The following SLC30A6 variants were observed in gnomAD, a reference collection of about 807,000 sequenced individuals.
SLC30A6 encodes the protein solute carrier family 30 member 6.
SLC30A6 carries 55 observed loss-of-function variants against 63.0 expected under a neutral mutation model. That is an observed-to-expected ratio of 0.87 (90% CI 0.70 to 1.09). The LOEUF is 1.09. SLC30A6 is among the 50% of genes least tolerant of loss of function. The pLI, the probability that SLC30A6 is intolerant of heterozygous loss-of-function variation, is 0.00. For missense variants in SLC30A6, 587 were observed against 549.2 expected, an observed-to-expected ratio of 1.07 and a Z score of -0.69; for synonymous variants, 224 against 186.1, an observed-to-expected ratio of 1.20 and a Z score of -1.66.
intron 11 of SLC30A6, among the ~76,000 whole-genome samples, chr2:32,204,921 C>T (rs1473246202): frequency 6.6e-6 from 1 of 151,336 alleles, no homozygotes; most frequent in Admixed American, 6.6e-5. Flanking sequence ...TCAAAGGACC[C>T]TCCCACCTCA....
In SLC30A6 at chr2:32,206,827, A is replaced by G. The variant is rs1379674604; in HGVS notation, c.769-59A>G. 3.6e-6 allele frequency: 5 copies of G among 1,377,230 alleles called. No homozygotes were observed. The Admixed American group carries it at 6.7e-5, about 19-fold the overall frequency. The allele number at this position is 1,377,230 out of a possible 1,614,324, so 85.3% of individuals were successfully genotyped here. A position where few individuals can be genotyped will look rare whatever the true frequency, so the allele number is the denominator to read the frequency against. ...CCTTTTGGGGAGGGGGTTCAGGACC[A>G]TTGTTGGCAAACTTTTTTCCTTCCC... is the stretch of plus-strand genomic sequence containing the variant. On this transcript the variant is annotated intron_variant, in intron 11 of 13. Coordinates refer to ENST00000282587, the MANE Select transcript of SLC30A6 (RefSeq NM_017964.5).
At chr2:32,173,555 A>C (rs1040556215) in intron 2 of SLC30A6, among the ~76,000 whole-genome samples, 3 of 152,016 alleles carry the variant, frequency 2.0e-5, no homozygotes, top group African/African-American at 7.2e-5. Flanking sequence ...TTGTTTTAGT[A>C]GAGACGGGGT....
intron 4 of SLC30A6, among the ~76,000 whole-genome samples, chr2:32,177,919 G>C (rs980946310): frequency 6.7e-6 from 1 of 149,860 alleles, no homozygotes; most frequent in Non-Finnish European, 1.5e-5. Context: ...GTGAGCCACT[G>C]TGCCCTTTGA....
chr2:32,215,791 A>G (rs981356240), intron 13 of SLC30A6, among the ~76,000 whole-genome samples: 6 of 151,780 alleles, frequency 4.0e-5, no homozygotes, highest in Admixed American at 6.6e-5. Flanking sequence ...TGCAGCCTCA[A>G]CCCTCTAGGC....
In SLC30A6 at chr2:32,193,976, C is replaced by G; in HGVS notation, c.489C>G (p.Val163=). The part of the protein sequence containing the change: ...LSIRNKPFAY[V]SEAASTSWLQ... ...TTCGGAATAAACCTTTTGCTTATGT[C>G]TCAGAAGGTATGTTTTTTATTTACT... The change falls in exon 8 of 14, where the codon GTC becomes GTG. Residue 163 remains valine, a synonymous_variant. Transcript: ENST00000282587. 3 of 1,609,182 alleles carry G rather than the reference C, an allele frequency of 1.9e-6. No individual in the cohort carries two copies. The highest frequency in any genetic ancestry group is 2.2e-5 in the South Asian group (2 of 89,870).
chr2:32,182,286 T>C (rs1283489209), intron 4 of SLC30A6, among the ~76,000 whole-genome samples: 2 of 152,214 alleles, frequency 1.3e-5, no homozygotes, highest in African/African-American at 2.4e-5. Flanking sequence ...CTTTATCCGA[T>C]GCAATTTCAA....
At chr2:32,174,180 A>G (rs1367674455) in intron 3 of SLC30A6, 33 bp downstream of exon 3, 14 of 1,506,464 alleles carry the variant, frequency 9.3e-6, no homozygotes, top group Non-Finnish European at 1.3e-5. Flanking sequence ...TGGAGTTGTT[A>G]TTTTTACTTT....
At chr2:32,177,323 C>CT (rs987958402) in intron 4 of SLC30A6, among the ~76,000 whole-genome samples, 30 of 148,978 alleles carry the variant, frequency 2.0e-4, no homozygotes, top group South Asian at 4.3e-4. Flanking sequence ...GTTACTCTTT[C>CT]TTTTTTTTTT....
chr2:32,193,850 G>T (rs1051977308), intron 7 of SLC30A6, 39 bp from the exon 8 acceptor site: 1 of 1,530,436 alleles, frequency 6.5e-7, no homozygotes, highest in Non-Finnish European at 9.0e-7. Flanking sequence ...ATAATACCAA[G>T]AACAAATTAA....
At chr2:32,201,589 A>G in intron 10 of SLC30A6, 2 of 1,455,882 alleles carry the variant, frequency 1.4e-6, no homozygotes, top group Non-Finnish European at 1.9e-6. Flanking sequence ...GGGAGGCAGC[A>G]GTGGCCAGTA....
At chr2:32,207,781 A>G (rs1453357739) in intron 12 of SLC30A6, among the ~76,000 whole-genome samples, 1 of 141,944 alleles carries the variant, frequency 7.0e-6, no homozygotes, top group African/African-American at 2.7e-5. Flanking sequence ...GCTCACTGCA[A>G]CCTCCGCCTC....
chr2:32,184,321 C>T lies in SLC30A6; in HGVS notation c.267C>T (p.Ser89=). Residue 89 remains serine, a synonymous_variant, in exon 5 of 14, where the codon AGC becomes AGT. Coordinates refer to ENST00000282587, the MANE Select transcript of SLC30A6 (RefSeq NM_017964.5). ...ISYWVTLRKP[S]PVYSFGFERL... is the part of the protein sequence containing the mutation. ...ACTGGGTAACATTGAGGAAACCTAG[C>T]CCTGTCTATTCATTTGGGTAAGTTC... 6.6e-7 allele frequency: 1 copy of T among 1,508,538 alleles called. No homozygotes were observed. 93.4% of individuals were successfully genotyped at this position (1,508,538 alleles called of 1,614,324 possible). A position where few individuals can be genotyped will look rare whatever the true frequency, so the allele number is the denominator to read the frequency against.
intron 8 of SLC30A6, 59 bp downstream of exon 8, chr2:32,194,042 C>G: frequency 1.4e-6 from 2 of 1,406,952 alleles, no homozygotes; most frequent in South Asian, 1.2e-5. Flanking sequence ...AAAAACAAGC[C>G]TTTTGTTTGT....
chr2:32,202,023 G>GAAA (rs369983441), intron 10 of SLC30A6: 2 of 886,934 alleles, frequency 2.3e-6, no homozygotes, highest in African/African-American at 3.5e-5. Flanking sequence ...TGATGAATAT[G>GAAA]AAAAAAAAAA....
At chr2:32,213,583 A>G (rs1002412027) in intron 13 of SLC30A6, among the ~76,000 whole-genome samples, 13 of 151,980 alleles carry the variant, frequency 8.6e-5, no homozygotes, top group African/African-American at 2.9e-4. Flanking sequence ...TTGGGTTTTC[A>G]TAAGGGTACT....
At position 32,221,823 on chromosome 2, in the gene SLC30A6, A is replaced by G. The variant is rs1011542240; in HGVS notation, c.*1110A>G. 3 of 152,200 alleles carry G rather than the reference A, an allele frequency of 2.0e-5. No individual in the cohort carries two copies. The highest frequency in any genetic ancestry group is 2.1e-4 in the South Asian group (1 of 4,832). The allele number at this position is 152,200 out of a possible 1,614,324, so 9.4% of individuals were successfully genotyped here. A position where few individuals can be genotyped will look rare whatever the true frequency, so the allele number is the denominator to read the frequency against. On this transcript the variant is annotated 3_prime_UTR_variant, in exon 14 of 14. Coordinates refer to ENST00000282587, the MANE Select transcript of SLC30A6 (RefSeq NM_017964.5). ...TGCAGTGAAAGAATCCCAATTTTCT[A>G]TGTTACATTTAATCAAATACTGACA...
Position 32,221,264 on chromosome 2 carries a change from A to T in SLC30A6, c.*551A>T, listed in dbSNP as rs1183368089. On this transcript the variant is annotated 3_prime_UTR_variant, in exon 14 of 14. Coordinates refer to ENST00000282587, the MANE Select transcript of SLC30A6 (RefSeq NM_017964.5). ...AACCTCTGCCTCCTGAGTTCAAATG[A>T]TTCTCCTGCCTCAGCCTCCCGAGTA... The T allele has an allele frequency of 5.2e-5, 8 of 155,124 alleles. No individual in the cohort carries two copies. The highest frequency in any genetic ancestry group is 1.9e-4 in the African/African-American group (8 of 41,386). The allele number at this position is 155,124 out of a possible 1,614,324, so 9.6% of individuals were successfully genotyped here. A position where few individuals can be genotyped will look rare whatever the true frequency, so the allele number is the denominator to read the frequency against.
chr2:32,214,927 T>G (rs1038841416), intron 13 of SLC30A6, among the ~76,000 whole-genome samples: 2 of 152,222 alleles, frequency 1.3e-5, no homozygotes, highest in South Asian at 4.1e-4. Context: ...TGACTTGATT[T>G]CAAGACGTGG....
intron 1 of SLC30A6, among the ~76,000 whole-genome samples, chr2:32,169,137 C>T: frequency 6.6e-6 from 1 of 152,016 alleles, no homozygotes; most frequent in African/African-American, 2.4e-5. Context: ...TGTACATACA[C>T]ATATATATAA....
Sources: allele counts gnomAD v4.1 joint callset (sites outside exome capture counted in the v4.1 genomes callset), GRCh38; gene constraint gnomAD v4.1.1; transcripts MANE v1.5; gene names NCBI Gene and HGNC (gene_info 2026-07-23, HGNC 2026-07-21).